ANXA7: variants seen among roughly 807,000 people sequenced by gnomAD.
ANXA7 encodes annexin A7.
Under a neutral mutation model 64.9 loss-of-function variants are expected in ANXA7, and 55 were observed. That is an observed-to-expected ratio of 0.85 (90% CI 0.68 to 1.06). The LOEUF (loss-of-function observed/expected upper bound fraction) is 1.06, where lower values mean the gene tolerates loss of function less well. ANXA7 is among the 50% of genes least tolerant of loss of function. The pLI, the probability that ANXA7 is intolerant of heterozygous loss-of-function variation, is 0.00. For synonymous variants in ANXA7, 200 were observed against 192.4 expected (o/e 1.04, Z -0.33); for missense variants, 548 against 582.1 (o/e 0.94, Z 0.60).
intron 1 of ANXA7, among the ~76,000 whole-genome samples, chr10:73,402,949 C>T (rs1156832549): frequency 6.6e-6 from 1 of 152,036 alleles, no homozygotes; most frequent in Non-Finnish European, 1.5e-5. Flanking sequence ...CTCAGCCTCC[C>T]AAGTAGCTGG....
intron 5 of ANXA7, among the ~76,000 whole-genome samples, chr10:73,390,198 C>T (rs753769118): frequency 1.2e-4 from 19 of 152,030 alleles, no homozygotes; most frequent in Non-Finnish European, 2.5e-4. Context: ...TGATTCAATG[C>T]TTTTTAGACA....
At chr10:73,394,712 G>C (rs1272630122) in intron 5 of ANXA7, among the ~76,000 whole-genome samples, 2 of 152,256 alleles carry the variant, frequency 1.3e-5, no homozygotes, top group Non-Finnish European at 2.9e-5. Context: ...GACTGTCGTG[G>C]GGTTGGGGTG....
At chr10:73,384,436 C>T in intron 7 of ANXA7, among the ~76,000 whole-genome samples, 2 of 152,076 alleles carry the variant, frequency 1.3e-5, no homozygotes, top group Non-Finnish European at 2.9e-5. Flanking sequence ...GAGTCTCGCT[C>T]TGTGGCCCAG....
At chr10:73,383,116 C>G (rs1304899221) in intron 9 of ANXA7, 59 bp downstream of exon 9, 1 of 1,474,190 alleles carries the variant, frequency 6.8e-7, no homozygotes, top group African/African-American at 1.4e-5. Context: ...TGCTCACTGG[C>G]AAAAGGCTTT....
chr10:73,376,738 T>G (rs1013227044), intron 12 of ANXA7, among the ~76,000 whole-genome samples: 2 of 152,134 alleles, frequency 1.3e-5, no homozygotes, highest in Non-Finnish European at 2.9e-5. Context: ...ATAGCAGCAT[T>G]ATTCAGGCAG....
At chr10:73,404,433 G>T (rs914080117) in intron 1 of ANXA7, among the ~76,000 whole-genome samples, 1 of 152,090 alleles carries the variant, frequency 6.6e-6, no homozygotes, top group African/African-American at 2.4e-5. Context: ...TGTGATAATG[G>T]TACTATGATT....
chr10:73,385,622 C>T (rs559947631), intron 7 of ANXA7, among the ~76,000 whole-genome samples: 2 of 151,852 alleles, frequency 1.3e-5, no homozygotes, highest in African/African-American at 2.4e-5. Context: ...GCTAGTGGTA[C>T]GGAAATTAGA....
intron 1 of ANXA7, among the ~76,000 whole-genome samples, chr10:73,412,483 G>T (rs1256936387): frequency 6.6e-6 from 1 of 151,034 alleles, no homozygotes; most frequent in Non-Finnish European, 1.5e-5. Context: ...TGAATAGTAA[G>T]TCTAGAGTTT....
In ANXA7 at chr10:73,378,915, C is replaced by T; in HGVS notation, c.1274G>A (p.Ser425Asn). Reference protein sequence around the residue: ...STLVRIVVTRSEIDLVQIKQM... With the variant: ...STLVRIVVTRNEIDLVQIKQM... Reference sequence around the variant, plus strand: ...AAAGAGAGAGGCCTGCCTCACCTCACTTCGAGTGACCACAATCCGGACCAG... The same window carrying T: ...AAAGAGAGAGGCCTGCCTCACCTCATTTCGAGTGACCACAATCCGGACCAG... Residue 425 changes from serine (S) to asparagine (N), a missense_variant, in exon 12 of 13, where the codon AGT (serine) becomes AAT (asparagine). Physicochemically the swap from Ser to Asn is conservative, Grantham distance 46 (BLOSUM62 1). Coordinates refer to ENST00000372921, the MANE Select transcript of ANXA7 (RefSeq NM_001156.5). 1 of 1,612,258 alleles carries T rather than the reference C, an allele frequency of 6.2e-7. No homozygotes were observed. Among genetic ancestry groups the T allele is most frequent in the Non-Finnish European group, 8.5e-7 (1 of 1,178,668 alleles).
chr10:73,398,459 C>CCAA, intron 2 of ANXA7, 74 bp from the exon 3 acceptor site: 1 of 1,346,782 alleles, frequency 7.4e-7, no homozygotes, highest in Non-Finnish European at 1.0e-6. Context: ...AAGGAACAAA[C>CCAA]AGAGGTTATT....
chr10:73,377,930 T>TGTGTGTGTGTGTGTGCGC lies in ANXA7; in HGVS notation c.1278+980_1278+981insGCGCACACACACACACAC, dbSNP rs542289005. Among the ~76,000 whole-genome samples, 174 of 142,580 alleles carry TGTGTGTGTGTGTGTGCGC rather than the reference T, an allele frequency of 1.2e-3. 4 individuals carry two copies. The highest frequency in any genetic ancestry group is 4.7e-3 in the African/African-American group (168 of 35,496). 93.5% of individuals were successfully genotyped at this position (142,580 alleles called of 152,430 possible). A position where few individuals can be genotyped will look rare whatever the true frequency, so the allele number is the denominator to read the frequency against. ...GTGTGTGTGTGTGTGTGTGTGTGTG[T>TGTGTGTGTGTGTGTGCGC]GCGCGCGCGTGTGTTTTTTGTAGAA... On this transcript the variant is annotated intron_variant, in intron 12 of 12. Coordinates refer to ENST00000372921, the MANE Select transcript of ANXA7 (RefSeq NM_001156.5).
At chr10:73,404,126 CTT>C (rs776096068) in intron 1 of ANXA7, among the ~76,000 whole-genome samples, 44 of 152,166 alleles carry the variant, frequency 2.9e-4, no homozygotes, top group Non-Finnish European at 5.6e-4. Flanking sequence ...TTTTATTAGA[CTT>C]AGAATAATTT....
At chr10:73,407,283 G>A (rs981569157) in intron 1 of ANXA7, among the ~76,000 whole-genome samples, 1 of 151,662 alleles carries the variant, frequency 6.6e-6, no homozygotes, top group African/African-American at 2.4e-5. Flanking sequence ...CACCATGTTG[G>A]CCAGGCTGGT....
chr10:73,392,875 T>G (rs1727875356), intron 5 of ANXA7, among the ~76,000 whole-genome samples: 1 of 152,072 alleles, frequency 6.6e-6, no homozygotes, highest in African/African-American at 2.4e-5. Context: ...GAGAAAGAAA[T>G]AAAGGGTATT....
chr10:73,405,637 C>T (rs1196176095), intron 1 of ANXA7, among the ~76,000 whole-genome samples: 1 of 152,156 alleles, frequency 6.6e-6, no homozygotes, highest in Admixed American at 6.5e-5. Context: ...TTGGCATCTA[C>T]AAGAAAACAT....
Position 73,400,147 on chromosome 10 carries a change from C to CACAA in ANXA7, c.54+652_54+655dup, listed in dbSNP as rs143217032. Among the ~76,000 whole-genome samples, 15 of 151,990 alleles carry CACAA rather than the reference C, an allele frequency of 9.9e-5. No individual in the cohort carries two copies. The East Asian group carries it at 1.2e-3, about 12-fold the overall frequency. On this transcript the variant is annotated intron_variant, in intron 2 of 12. Coordinates refer to ENST00000372921, the MANE Select transcript of ANXA7 (RefSeq NM_001156.5). Reference sequence around the variant, plus strand: ...GCACAGCGAGACTCCATCTCAAAAACACAAACAAACAAACAAACAAAAACT... The same window carrying CACAA: ...GCACAGCGAGACTCCATCTCAAAAACACAAACAAACAAACAAACAAACAAAAACT...
chr10:73,398,441 C>G, intron 2 of ANXA7, 56 bp from the exon 3 acceptor site: 1 of 1,475,340 alleles, frequency 6.8e-7, no homozygotes, highest in East Asian at 2.4e-5. Flanking sequence ...TATGACCCAT[C>G]TAAAAATAAG....
At chr10:73,403,639 T>C (rs986349139) in intron 1 of ANXA7, among the ~76,000 whole-genome samples, 1 of 152,252 alleles carries the variant, frequency 6.6e-6, no homozygotes, top group African/African-American at 2.4e-5. Context: ...AGTACCTCTC[T>C]GTATATTTTG....
chr10:73,380,216 G>A lies in ANXA7; in HGVS notation c.919-15C>T. ...TCACGATTTCCCTGCAAAAGAGAAA[G>A]GCAGGAATTGGAAGAAATAAATAAT... On this transcript the variant is annotated splice_polypyrimidine_tract_variant and intron_variant, in intron 9 of 12. Transcript: ENST00000372921. 6.3e-7 allele frequency: 1 copy of A among 1,592,600 alleles called. No individual in the cohort carries two copies. Among genetic ancestry groups the A allele is most frequent in the Non-Finnish European group, 8.5e-7 (1 of 1,173,742 alleles).
Sources: allele counts gnomAD v4.1 joint callset (sites outside exome capture counted in the v4.1 genomes callset), GRCh38; gene constraint gnomAD v4.1.1; transcripts MANE v1.5; gene names NCBI Gene and HGNC (gene_info 2026-07-23, HGNC 2026-07-21).